Variants in GRAP observed in about 807,000 individuals in gnomAD.
GRAP encodes the protein GRB2 related adaptor protein.
GRAP carries 2 observed loss-of-function variants against 9.1 expected under a neutral mutation model. The ratio of observed to expected loss-of-function variants is 0.22; its 90% CI spans 0.09 to 0.69. The LOEUF (loss-of-function observed/expected upper bound fraction) is 0.69. Among genes scored for constraint, GRAP ranks in the 30% least tolerant of loss-of-function variants. The pLI is 0.81. For missense variants in GRAP, 113 were observed against 179.4 expected, an observed-to-expected ratio of 0.63 and a Z score of 2.12; for synonymous variants, 68 against 73.6, an observed-to-expected ratio of 0.92 and a Z score of 0.39.
In GRAP at chr17:19,021,143, A is replaced by T. The variant is rs1351438942; in HGVS notation, c.*816T>A. 2.0e-5 allele frequency: 3 copies of T among 152,128 alleles called. No homozygotes were observed. The highest frequency in any genetic ancestry group is 4.4e-5 in the Non-Finnish European group (3 of 68,036). 9.4% of individuals were successfully genotyped at this position (152,128 alleles called of 1,614,324 possible). On this transcript the variant is annotated 3_prime_UTR_variant, in exon 5 of 5. Transcript: ENST00000284154. The surrounding 1 kb of genome is among the most constrained non-coding windows in gnomAD (Gnocchi z 4.1). The stretch of plus-strand genomic sequence containing the variant: ...TCTCTAAAACCTAGCTCTGGCCCCA[A>T]CTTTCTGTCTGCCCTGGAGGTTTCT...
intron 4 of GRAP, among the ~76,000 whole-genome samples, chr17:19,023,540 A>G (rs58536605): frequency 0.066 from 10,045 of 152,028 alleles, 1,119 homozygotes; most frequent in African/African-American, 0.23. Flanking sequence ...TGGCATCCCA[A>G]TCAGCTTCAG....
chr17:19,022,080 C>T lies in GRAP; in HGVS notation c.533G>A (p.Ser178Asn). ...CTCAATGATGTCGCCACGGCGGAAG[C>T]TGAGCTGCGAGGGGTCCTGGGCTGA... ...DFSAQDPSQL[S>N]FRRGDIIEVL... Residue 178 changes from serine (S) to asparagine (N), a missense_variant, in exon 5 of 5, where the codon AGC becomes AAC. Transcript: ENST00000284154. The T allele has an allele frequency of 6.3e-7, 1 of 1,590,586 alleles. No homozygotes were observed.
intron 3 of GRAP, among the ~76,000 whole-genome samples, chr17:19,025,632 A>T (rs1179026513): frequency 7.5e-6 from 1 of 132,888 alleles, no homozygotes; most frequent in African/African-American, 2.9e-5. Flanking sequence ...TTTTTTTTTG[A>T]GGCGTAGTCT....
In GRAP at chr17:19,021,927, A is replaced by C; in HGVS notation, c.*32T>G. On this transcript the variant is annotated 3_prime_UTR_variant, in exon 5 of 5. Transcript: ENST00000284154. This position sits in a 1 kb window ranked among gnomAD's most constrained non-coding sequence, Gnocchi z 4.1. ...TCTCTGGACCTCAGTTCCTGTAAAA[A>C]GGCCCGTTGGCCAGATCGGCCGCCG... The C allele has an allele frequency of 6.8e-7, 1 of 1,467,572 alleles. No individual in the cohort carries two copies. The highest frequency in any genetic ancestry group is 9.0e-7 in the Non-Finnish European group (1 of 1,109,872). The allele number at this position is 1,467,572 out of a possible 1,614,324, so 90.9% of individuals were successfully genotyped here. A position where few individuals can be genotyped will look rare whatever the true frequency, so the allele number is the denominator to read the frequency against.
chr17:19,025,629 T>C (rs1455059586), intron 3 of GRAP, among the ~76,000 whole-genome samples: 2 of 142,644 alleles, frequency 1.4e-5, no homozygotes, highest in Admixed American at 1.5e-4. Flanking sequence ...TTTTTTTTTT[T>C]TGAGGCGTAG....
At chr17:19,027,538 T>C (rs1362532277) in intron 3 of GRAP, among the ~76,000 whole-genome samples, 3 of 122,356 alleles carry the variant, frequency 2.5e-5, no homozygotes, top group Non-Finnish European at 5.5e-5. Flanking sequence ...CTACCTCTCC[T>C]GGGTTGTAAA....
intron 4 of GRAP, chr17:19,022,489 G>A: frequency 4.0e-6 from 1 of 253,086 alleles, no homozygotes; most frequent in Non-Finnish European, 7.5e-6. Context: ...ACCCGACTCT[G>A]CAGCAGCCAT....
In GRAP at chr17:19,030,007, T is replaced by C. The variant is rs1297903454; in HGVS notation, c.300-5624A>G. On this transcript the variant is annotated intron_variant, in intron 3 of 4. Coordinates refer to ENST00000284154, the MANE Select transcript of GRAP (RefSeq NM_006613.4). Reference sequence around the variant, plus strand: ...CATTCCTGGGATGCTTGTGTGTGTGTGTCTGTGTGTGTCTCCCACTGTGTG... The same window carrying C: ...CATTCCTGGGATGCTTGTGTGTGTGCGTCTGTGTGTGTCTCCCACTGTGTG... Among the ~76,000 whole-genome samples, 6 of 68,608 alleles carry C rather than the reference T, an allele frequency of 8.7e-5. 1 individual carries two copies. The East Asian group carries it at 1.2e-3, about 14-fold the overall frequency. 45.0% of individuals were successfully genotyped at this position (68,608 alleles called of 152,430 possible). A position where few individuals can be genotyped will look rare whatever the true frequency, so the allele number is the denominator to read the frequency against.
Position 19,021,843 on chromosome 17 carries a change from G to C in GRAP, c.*116C>G, listed in dbSNP as rs1660585508. ...GGAGGCAGTTAGGAGCCCACGTTCA[G>C]TCCAAGGCCGTCCACTGAGCCCCGT... On this transcript the variant is annotated 3_prime_UTR_variant, in exon 5 of 5. Coordinates refer to ENST00000284154, the MANE Select transcript of GRAP (RefSeq NM_006613.4). This position sits in a 1 kb window ranked among gnomAD's most constrained non-coding sequence, Gnocchi z 4.1. 6 of 1,162,480 alleles carry C rather than the reference G, an allele frequency of 5.2e-6. No individual in the cohort carries two copies. The South Asian group carries it at 7.5e-5, about 15-fold the overall frequency. 72.0% of individuals were successfully genotyped at this position (1,162,480 alleles called of 1,614,324 possible).
intron 3 of GRAP, among the ~76,000 whole-genome samples, chr17:19,027,484 G>GCGCGCACACA (rs1555583245): frequency 5.8e-5 from 7 of 121,218 alleles, no homozygotes; most frequent in African/African-American, 2.2e-4. Context: ...GCGCGCGCGC[G>GCGCGCACACA]CACACACACA....
At position 19,022,088 on chromosome 17, in the gene GRAP, C is replaced by G. The variant is rs957663914; in HGVS notation, c.525G>C (p.Ser175=). The change falls in exon 5 of 5, where the codon TCG becomes TCC. Residue 175 remains serine, a synonymous_variant. Coordinates refer to ENST00000284154, the MANE Select transcript of GRAP (RefSeq NM_006613.4). ...TGTCGCCACGGCGGAAGCTGAGCTG[C>G]GAGGGGTCCTGGGCTGAGAAGTCAA... ...AQFDFSAQDP[S]QLSFRRGDII... The G allele has an allele frequency of 1.3e-6, 2 of 1,587,410 alleles. No individual in the cohort carries two copies. Among genetic ancestry groups the G allele is most frequent in the Admixed American group, 3.5e-5 (2 of 56,358 alleles).
chr17:19,024,204 C>A lies in GRAP; in HGVS notation c.468+11G>T, dbSNP rs779652857. ...AGAGGCTCCCACAGGCCAGCCCCCA[C>A]CCGCCCCTACCTTGAGCAAGGGCTC... On this transcript the variant is annotated intron_variant, in intron 4 of 4. Transcript: ENST00000284154. The surrounding 1 kb of genome is among the most constrained non-coding windows in gnomAD (Gnocchi z 4.2). The A allele has an allele frequency of 1.7e-5, 27 of 1,571,418 alleles. No homozygotes were observed. Among genetic ancestry groups the A allele is most frequent in the Non-Finnish European group, 2.0e-5 (23 of 1,158,730 alleles).
Position 19,022,047 on chromosome 17 carries a change from T to C in GRAP, c.566A>G (p.Glu189Gly), listed in dbSNP as rs2044273403. ...CCGCCACCAGTGGGGGTCTGGGCGC[T>C]CCAGGACCTCAATGATGTCGCCACG... Reference protein sequence around the residue: ...FRRGDIIEVLERPDPHWWRGR... With the variant: ...FRRGDIIEVLGRPDPHWWRGR... Residue 189 changes from glutamate to glycine, a missense_variant, in exon 5 of 5, where the codon GAG (glutamate) becomes GGG (glycine). By Grantham distance (98) the Glu-to-Gly change is moderately conservative. Around this residue, in one of 2 missense-constraint regions of GRAP, gnomAD observed 113 missense variants for 163.3 expected, o/e 0.69. Coordinates refer to ENST00000284154, the MANE Select transcript of GRAP (RefSeq NM_006613.4). 1.9e-6 allele frequency: 3 copies of C among 1,597,476 alleles called. No homozygotes were observed. In the South Asian group the frequency reaches 3.4e-5, roughly 18 times the overall value.
At chr17:19,023,620 G>A (rs2044289849) in intron 4 of GRAP, among the ~76,000 whole-genome samples, 1 of 150,632 alleles carries the variant, frequency 6.6e-6, no homozygotes, top group Non-Finnish European at 1.5e-5. Flanking sequence ...GTCAAGGGGT[G>A]GATGACCCCG....
intron 3 of GRAP, among the ~76,000 whole-genome samples, chr17:19,027,469 TGCGCGCGCGCGC>T (rs756824381): frequency 1.7e-4 from 21 of 125,822 alleles, no homozygotes; most frequent in East Asian, 7.3e-4. Context: ...ATGGGACACA[TGCGCGCGCGCGC>T]GCGCACACAC....
intron 4 of GRAP, among the ~76,000 whole-genome samples, chr17:19,023,646 C>T (rs1336530496): frequency 7.8e-6 from 1 of 128,506 alleles, no homozygotes; most frequent in African/African-American, 2.9e-5. Context: ...CCACCCCCCA[C>T]CCCCCACCCC....
Position 19,024,201 on chromosome 17 carries a change from C to A in GRAP, c.468+14G>T. ...CAGAGAGGCTCCCACAGGCCAGCCC[C>A]CACCCGCCCCTACCTTGAGCAAGGG... On this transcript the variant is annotated intron_variant, in intron 4 of 4. Transcript: ENST00000284154. The surrounding 1 kb of genome is among the most constrained non-coding windows in gnomAD (Gnocchi z 4.2). The A allele has an allele frequency of 6.4e-7, 1 of 1,569,790 alleles. No individual in the cohort carries two copies. The highest frequency in any genetic ancestry group is 1.7e-4 in the Middle Eastern group (1 of 5,996).
Position 19,024,776 on chromosome 17 carries a change from T to C in GRAP, c.300-393A>G, listed in dbSNP as rs2152171023. On this transcript the variant is annotated intron_variant, in intron 3 of 4. Coordinates refer to ENST00000284154, the MANE Select transcript of GRAP (RefSeq NM_006613.4). This position sits in a 1 kb window ranked among gnomAD's most constrained non-coding sequence, Gnocchi z 4.2. ...TGTGTCGTGATCAGAGAGCATCTCC[T>C]TCACATCTCTTTGTTGTTCCCCTCA... Among the ~76,000 whole-genome samples the C allele has an allele frequency of 6.6e-6, 1 of 152,266 alleles. No homozygotes were observed. The highest frequency in any genetic ancestry group is 1.9e-4 in the East Asian group (1 of 5,148).
At position 19,020,910 on chromosome 17, in the gene GRAP, C is replaced by T. The variant is rs1330997230; in HGVS notation, c.*1049G>A. ...TGCCAGAGGGAGCCTCTTCGCCCTC[C>T]CTCCCTGCCCACCATCCCTCAACCA... is the stretch of plus-strand genomic sequence containing the variant. On this transcript the variant is annotated 3_prime_UTR_variant, in exon 5 of 5. Coordinates refer to ENST00000284154, the MANE Select transcript of GRAP (RefSeq NM_006613.4). 1 of 162,776 alleles carries T rather than the reference C, an allele frequency of 6.1e-6. No homozygotes were observed. The highest frequency in any genetic ancestry group is 2.4e-5 in the African/African-American group (1 of 41,610). 10.1% of individuals were successfully genotyped at this position (162,776 alleles called of 1,614,324 possible).
Sources: gnomAD v4.1 joint callset for allele counts (sites outside exome capture counted in the v4.1 genomes callset) on GRCh38, gnomAD v4.1.1 for gene constraint, gnomAD v4.1.1 regional missense constraint, Gnocchi (gnomAD v3.1) non-coding constraint, MANE v1.5 for transcripts, NCBI Gene and HGNC (gene_info 2026-07-23, HGNC 2026-07-21) for gene names.